Variants in GALNT14 observed in about 807,000 individuals in gnomAD.
GALNT14 encodes UDP-GalNAc:polypeptide N-acetylgalactosaminyltransferase 14.
In GALNT14, 60 loss-of-function variants were observed where a neutral mutation model predicts 77.5. The observed-to-expected ratio is 0.77, with a 90% CI of 0.63 to 0.96. GALNT14 has a LOEUF of 0.96. Ranked by LOEUF, GALNT14 falls within the 40% of genes least tolerant of loss-of-function variation. The probability of loss-of-function intolerance (pLI) is 0.00; values close to 1 mark genes in which losing one functional copy is unlikely to be tolerated. For missense variants in GALNT14, 710 were observed against 731.0 expected (o/e 0.97, Z 0.33); for synonymous variants, 280 against 281.7 (o/e 0.99, Z 0.06).
intron 1 of GALNT14, among the ~76,000 whole-genome samples, chr2:31,095,768 T>C (rs1676970042): frequency 6.6e-6 from 1 of 152,196 alleles, no homozygotes; most frequent in East Asian, 1.9e-4. Context: ...GTAAGACATA[T>C]GACAAGAAAA....
At chr2:30,928,455 C>G (rs1215903325) in intron 11 of GALNT14, among the ~76,000 whole-genome samples, 1 of 152,152 alleles carries the variant, frequency 6.6e-6, no homozygotes, top group Non-Finnish European at 1.5e-5. Flanking sequence ...ACCATCCCCC[C>G]TCTGCCATGG....
chr2:30,981,069 C>A (rs1668961573), intron 2 of GALNT14, among the ~76,000 whole-genome samples: 4 of 152,218 alleles, frequency 2.6e-5, no homozygotes, highest in Admixed American at 2.6e-4. Flanking sequence ...CATGAAGAGT[C>A]TTACTCTAAG....
chr2:30,966,349 C>T (rs1668007275), intron 2 of GALNT14, 47 bp from the exon 3 acceptor site: 1 of 1,414,270 alleles, frequency 7.1e-7, no homozygotes, highest in Non-Finnish European at 1.0e-6. Context: ...AGGGACAAAG[C>T]ATATCTGGAG....
intron 13 of GALNT14, among the ~76,000 whole-genome samples, chr2:30,919,263 G>A (rs1664887520): frequency 6.6e-6 from 1 of 152,112 alleles, no homozygotes; most frequent in African/African-American, 2.4e-5. Flanking sequence ...TTTCACCTAA[G>A]GCATCAGTTT....
At chr2:30,904,616 CA>C in the GALNT14 span, among the ~76,000 whole-genome samples, 1 of 152,240 alleles carries the variant, frequency 6.6e-6, no homozygotes, top group East Asian at 1.9e-4. Context: ...AACTGCAAGG[CA>C]GCAGCGAGGC....
At chr2:31,011,902 C>T (rs1671056363) in intron 1 of GALNT14, among the ~76,000 whole-genome samples, 1 of 152,176 alleles carries the variant, frequency 6.6e-6, no homozygotes, top group Non-Finnish European at 1.5e-5. Context: ...CCATAACGCT[C>T]AGCCGGGAAA....
chr2:31,061,172 A>C (rs1674567998), intron 1 of GALNT14, among the ~76,000 whole-genome samples: 1 of 152,046 alleles, frequency 6.6e-6, no homozygotes, highest in African/African-American at 2.4e-5. Flanking sequence ...AGATGCCTCA[A>C]ACTCAACTCA....
At chr2:30,923,276 C>T (rs28623361) in intron 13 of GALNT14, among the ~76,000 whole-genome samples, 1 of 152,000 alleles carries the variant, frequency 6.6e-6, no homozygotes, top group East Asian at 1.9e-4. Flanking sequence ...GTTTGCCAGG[C>T]TGGTCTTGAA....
At chr2:30,985,103 C>T (rs1342879248) in intron 2 of GALNT14, among the ~76,000 whole-genome samples, 1 of 151,922 alleles carries the variant, frequency 6.6e-6, no homozygotes, top group Non-Finnish European at 1.5e-5. Context: ...TGGCATATGG[C>T]AATTGCTCAA....
At chr2:30,901,695 G>C in the GALNT14 span, among the ~76,000 whole-genome samples, 1 of 151,746 alleles carries the variant, frequency 6.6e-6, no homozygotes, top group South Asian at 2.1e-4. Flanking sequence ...ATATATGTGT[G>C]TGTGTGTATA....
At chr2:31,093,006 A>T (rs1676827894) in intron 1 of GALNT14, among the ~76,000 whole-genome samples, 1 of 152,332 alleles carries the variant, frequency 6.6e-6, no homozygotes, top group Admixed American at 6.5e-5. Flanking sequence ...TGATTCTAAC[A>T]CAGTTTACTG....
chr2:30,910,769 T>C lies in GALNT14; in HGVS notation c.*132A>G. ...CTCCCTGAGACAGTTGCTCCTGTCC[T>C]GGGGGGCTCTGCCTCCACCTCCCAG... On this transcript the variant is annotated 3_prime_UTR_variant, in exon 15 of 15. Transcript: ENST00000349752. 1 of 920,194 alleles carries C rather than the reference T, an allele frequency of 1.1e-6. No homozygotes were observed. The highest frequency in any genetic ancestry group is 2.6e-5 in the East Asian group (1 of 38,940). 57.0% of individuals were successfully genotyped at this position (920,194 alleles called of 1,614,324 possible).
chr2:31,081,455 C>T (rs1335060857), intron 1 of GALNT14, among the ~76,000 whole-genome samples: 2 of 152,214 alleles, frequency 1.3e-5, no homozygotes, highest in African/African-American at 4.8e-5. Context: ...AGGGTAAAGA[C>T]TGAGTTAACT....
chr2:31,012,129 G>A (rs1671070623), intron 1 of GALNT14, among the ~76,000 whole-genome samples: 2 of 152,180 alleles, frequency 1.3e-5, no homozygotes, highest in South Asian at 4.1e-4. Context: ...GGGGATTTAT[G>A]TCTTTAGACC....
chr2:31,063,904 G>A (rs1422227144), intron 1 of GALNT14, among the ~76,000 whole-genome samples: 2 of 152,124 alleles, frequency 1.3e-5, no homozygotes, highest in African/African-American at 4.8e-5. Flanking sequence ...AAAATGAATT[G>A]CATTTCTCCC....
At chr2:30,998,992 C>A (rs73923346) in intron 1 of GALNT14, among the ~76,000 whole-genome samples, 6 of 152,204 alleles carry the variant, frequency 3.9e-5, no homozygotes, top group East Asian at 1.9e-4. Flanking sequence ...GCTGAGAAAC[C>A]CTTCTCCTCC....
intron 2 of GALNT14, among the ~76,000 whole-genome samples, chr2:30,974,540 C>A (rs150643461): frequency 1.3e-5 from 2 of 152,376 alleles, no homozygotes; most frequent in African/African-American, 4.8e-5. Flanking sequence ...GCTTCACCTG[C>A]TCTTTGTCCC....
chr2:30,989,714 T>C (rs935504580), intron 2 of GALNT14, among the ~76,000 whole-genome samples: 2 of 122,826 alleles, frequency 1.6e-5, no homozygotes, highest in Admixed American at 9.1e-5. Flanking sequence ...AATATATATA[T>C]TAGTATATAT....
At chr2:30,977,243 G>T (rs777919499) in intron 2 of GALNT14, among the ~76,000 whole-genome samples, 1 of 152,042 alleles carries the variant, frequency 6.6e-6, no homozygotes, top group Non-Finnish European at 1.5e-5. Context: ...GCATGCGCCA[G>T]TATGCCCAGC....
Sources: gnomAD v4.1 joint callset for allele counts (sites outside exome capture counted in the v4.1 genomes callset) on GRCh38, gnomAD v4.1.1 for gene constraint, MANE v1.5 for transcripts, NCBI Gene and HGNC (gene_info 2026-07-23, HGNC 2026-07-21) for gene names.